Variants in USP12 observed in about 807,000 individuals in gnomAD.
USP12 encodes the protein ubiquitin specific peptidase 12, also known as ubiquitin carboxyl-terminal hydrolase 12.
USP12 carries 19 observed loss-of-function variants against 45.5 expected under a neutral mutation model. The ratio of observed to expected loss-of-function variants is 0.42; its 90% confidence interval spans 0.29 to 0.61. The LOEUF is 0.61. Ranked by LOEUF, USP12 falls within the 20% of genes least tolerant of loss-of-function variation. The pLI is 0.22. For synonymous variants in USP12, 149 were observed against 148.8 expected, an observed-to-expected ratio of 1.00 and a Z score of -0.01; for missense variants, 242 against 447.7, an observed-to-expected ratio of 0.54 and a Z score of 4.15.
At chr13:27,109,977 T>C (rs1452760548) in intron 2 of USP12, among the ~76,000 whole-genome samples, 2 of 150,812 alleles carry the variant, frequency 1.3e-5, no homozygotes, top group Non-Finnish European at 3.0e-5. Flanking sequence ...TACCACTGCA[T>C]TGGATGATAT....
At chr13:27,106,048 C>G (rs543138013) in intron 2 of USP12, 104 bp from the exon 3 acceptor site, 164 of 906,172 alleles carry the variant, frequency 1.8e-4, no homozygotes, top group Non-Finnish European at 2.4e-4. Context: ...CAATCGGTTA[C>G]TACTGTTACT....
chr13:27,114,411 T>A (rs1263540823), intron 2 of USP12, among the ~76,000 whole-genome samples: 1 of 152,238 alleles, frequency 6.6e-6, no homozygotes, highest in African/African-American at 2.4e-5. Flanking sequence ...ACAGCTGGCC[T>A]GTAAGTGGGA....
chr13:27,105,646 G>A, intron 3 of USP12, 85 bp downstream of exon 3: 1 of 1,300,878 alleles, frequency 7.7e-7, no homozygotes, highest in Non-Finnish European at 1.1e-6. Flanking sequence ...CAGGCATACA[G>A]ATGATGCTCA....
intron 1 of USP12, among the ~76,000 whole-genome samples, chr13:27,171,223 C>A (rs1878587364): frequency 6.6e-6 from 1 of 150,570 alleles, no homozygotes; most frequent in South Asian, 2.1e-4. Flanking sequence ...CCCCTCACCC[C>A]GGCACAGGCC....
intron 1 of USP12, among the ~76,000 whole-genome samples, chr13:27,168,196 G>A (rs754153019): frequency 6.6e-6 from 1 of 152,124 alleles, no homozygotes; most frequent in Non-Finnish European, 1.5e-5. Context: ...CCGAGGGTGG[G>A]CAAGCAGCCA....
intron 1 of USP12, among the ~76,000 whole-genome samples, chr13:27,140,095 T>C (rs1425153642): frequency 6.6e-6 from 1 of 152,222 alleles, no homozygotes; most frequent in Non-Finnish European, 1.5e-5. Flanking sequence ...ACAAAGCTCA[T>C]TTCAAGTTTC....
Position 27,066,723 on chromosome 13 carries a change from T to C in USP12, c.*2560A>G, listed in dbSNP as rs1373097605. 6.6e-6 allele frequency: 1 copy of C among 152,166 alleles called. No individual in the cohort carries two copies. Among genetic ancestry groups the C allele is most frequent in the Non-Finnish European group, 1.5e-5 (1 of 68,034 alleles). The allele number at this position is 152,166 out of a possible 1,614,324, so 9.4% of individuals were successfully genotyped here. ...AATTTTTATTCCAATATACAAAATA[T>C]GGGACAGCCATCCCAACAATCATGT... On this transcript the variant is annotated 3_prime_UTR_variant, in exon 9 of 9. Transcript: ENST00000282344.
intron 6 of USP12, 122 bp from the exon 7 acceptor site, chr13:27,075,510 G>A: frequency 1.2e-6 from 1 of 818,040 alleles, no homozygotes; most frequent in Non-Finnish European, 1.9e-6. Flanking sequence ...GCCCAGCAAT[G>A]CCCAGTTTTG....
intron 1 of USP12, among the ~76,000 whole-genome samples, chr13:27,142,279 T>C (rs1213238960): frequency 1.3e-5 from 2 of 152,116 alleles, no homozygotes; most frequent in Admixed American, 1.3e-4. Flanking sequence ...TACCAAACAA[T>C]TGACTTGTAC....
At chr13:27,164,035 A>G (rs532697967) in intron 1 of USP12, among the ~76,000 whole-genome samples, 14 of 152,086 alleles carry the variant, frequency 9.2e-5, no homozygotes, top group Non-Finnish European at 1.5e-4. Flanking sequence ...GTAGGTCTCC[A>G]TGAATCCTTC....
intron 1 of USP12, among the ~76,000 whole-genome samples, chr13:27,119,791 A>G (rs1875901516): frequency 6.6e-6 from 1 of 152,246 alleles, no homozygotes; most frequent in South Asian, 2.1e-4. Context: ...GATCGAAATG[A>G]GAAGTACAAA....
chr13:27,098,931 A>G (rs1304583623), intron 3 of USP12, among the ~76,000 whole-genome samples: 2 of 152,152 alleles, frequency 1.3e-5, no homozygotes, highest in African/African-American at 4.8e-5. Context: ...TGTGGATCCC[A>G]CTCATGAAAA....
intron 1 of USP12, among the ~76,000 whole-genome samples, chr13:27,126,424 CACAAACAGATGGAACTAA>C: frequency 6.6e-6 from 1 of 152,310 alleles, no homozygotes; most frequent in East Asian, 1.9e-4. Flanking sequence ...AAAGGAATAG[CACAAACAGATGGAACTAA>C]ACAAGCCAGG....
intron 1 of USP12, among the ~76,000 whole-genome samples, chr13:27,157,083 C>T (rs1402670727): frequency 6.6e-6 from 1 of 152,150 alleles, no homozygotes; most frequent in East Asian, 1.9e-4. Context: ...AAAAAATGAA[C>T]TAATAATAAC....
intron 7 of USP12, 111 bp downstream of exon 7, chr13:27,075,080 G>A: frequency 2.1e-6 from 2 of 947,480 alleles, no homozygotes; most frequent in Non-Finnish European, 3.0e-6. Context: ...TATCTTGAGA[G>A]AATACAGAAT....
chr13:27,089,194 C>G lies in USP12; in HGVS notation c.734+689G>C, dbSNP rs184204897. Reference sequence around the variant, plus strand: ...CTATAAAGGACATTACCGGTACATCCTGTGATACCAAAATAAGGTTTGCAG... The same window carrying G: ...CTATAAAGGACATTACCGGTACATCGTGTGATACCAAAATAAGGTTTGCAG... On this transcript the variant is annotated intron_variant, in intron 6 of 8. Coordinates refer to ENST00000282344, the MANE Select transcript of USP12 (RefSeq NM_182488.4). Among the ~76,000 whole-genome samples the G allele has an allele frequency of 4.0e-4, 61 of 152,254 alleles. 2 individuals are homozygous for G. The East Asian group carries it at 0.012, about 29-fold the overall frequency.
intron 5 of USP12, 49 bp downstream of exon 5, chr13:27,090,033 C>T (rs755164839): frequency 6.4e-7 from 1 of 1,574,298 alleles, no homozygotes; most frequent in Non-Finnish European, 8.7e-7. Flanking sequence ...AAAAATATTC[C>T]AGACTAAAAA....
At chr13:27,090,256 T>C in intron 4 of USP12, 98 bp from the exon 5 acceptor site, 1 of 953,630 alleles carries the variant, frequency 1.0e-6, no homozygotes, top group Admixed American at 2.4e-5. Context: ...TATCAGTAAG[T>C]AAACAATTCT....
intron 6 of USP12, among the ~76,000 whole-genome samples, chr13:27,089,187 G>C (rs973517773): frequency 3.3e-5 from 5 of 152,140 alleles, no homozygotes; most frequent in Non-Finnish European, 5.9e-5. Context: ...GACATTACCG[G>C]TACATCCTGT....
Sources: gnomAD v4.1 joint callset for allele counts (sites outside exome capture counted in the v4.1 genomes callset) on GRCh38, gnomAD v4.1.1 for gene constraint, MANE v1.5 for transcripts, NCBI Gene and HGNC (gene_info 2026-07-23, HGNC 2026-07-21) for gene names.